Variants in TMEM132B observed in about 807,000 individuals in gnomAD.
TMEM132B encodes the protein transmembrane protein 132B.
In TMEM132B, 18 loss-of-function variants were observed where a neutral mutation model predicts 90.8. The ratio of observed to expected loss-of-function variants is 0.20; its 90% CI spans 0.14 to 0.29. The LOEUF is 0.29. Ranked by LOEUF, TMEM132B falls within the 10% of genes least tolerant of loss-of-function variation. TMEM132B has a pLI of 1.00. For missense variants in TMEM132B, 1,096 were observed against 1,326.8 expected, an observed-to-expected ratio of 0.83 and a Z score of 2.70; for synonymous variants, 504 against 523.3, an observed-to-expected ratio of 0.96 and a Z score of 0.50.
At chr12:125,501,120 AT>A (rs1290566030) in intron 3 of TMEM132B, among the ~76,000 whole-genome samples, 1 of 152,220 alleles carries the variant, frequency 6.6e-6, no homozygotes, top group Non-Finnish European at 1.5e-5. Flanking sequence ...TCTTTTGGTA[AT>A]TGGATGGGAA....
chr12:125,389,873 A>G (rs1566020797), intron 2 of TMEM132B, among the ~76,000 whole-genome samples: 1 of 152,320 alleles, frequency 6.6e-6, no homozygotes, highest in East Asian at 1.9e-4. Flanking sequence ...AAGTATTTTA[A>G]AAGTTTAAAG....
In TMEM132B at chr12:125,348,237, A is replaced by T. The variant is rs564022988; in HGVS notation, c.68-1215A>T. On this transcript the variant is annotated intron_variant, in intron 1 of 8. Coordinates refer to ENST00000682704, the MANE Select transcript of TMEM132B (RefSeq NM_001366854.1). The stretch of plus-strand genomic sequence containing the variant: ...ACTGTAAATGTTTAGTTTCCTGTTG[A>T]TCAACCTATTGAATATGGATTAAAA... Among the ~76,000 whole-genome samples the T allele has an allele frequency of 2.0e-5, 3 of 152,262 alleles. No homozygotes were observed. The East Asian group carries it at 5.8e-4, about 29-fold the overall frequency.
rs1314798610 is a variant in TMEM132B, at chr12:125,406,130, A to G, written c.960-9401A>G. On this transcript the variant is annotated intron_variant, in intron 2 of 8. Transcript: ENST00000682704. This position sits in a 1 kb window ranked among gnomAD's most constrained non-coding sequence, Gnocchi z 8.3. ...AACGTTAGTAGATATGCTTAACTAG[A>G]TCTTTTTGCTAGTGAATTTCCAGTA... Among the ~76,000 whole-genome samples, 2 of 152,202 alleles carry G rather than the reference A, an allele frequency of 1.3e-5. No individual in the cohort carries two copies. The highest frequency in any genetic ancestry group is 1.9e-4 in the East Asian group (1 of 5,196).
chr12:125,271,727 T>TTTTAATATATTACCTTCATTAAC (rs1321443312), intron 1 of TMEM132B, among the ~76,000 whole-genome samples: 1 of 152,114 alleles, frequency 6.6e-6, no homozygotes, highest in Non-Finnish European at 1.5e-5. Context: ...ACTTTGGTTT[T>TTTTAATATATTACCTTCATTAAC]TTTAATATAT....
rs1183847146 is a variant in TMEM132B, at chr12:125,505,195, A to AAAAAAAAAAAAAAAC, written c.1107-14244_1107-14243insAAAAAAAAAAAAAAC. On this transcript the variant is annotated intron_variant, in intron 3 of 8. Coordinates refer to ENST00000682704, the MANE Select transcript of TMEM132B (RefSeq NM_001366854.1). ...AAAAAAAAAAAAAAAAAAAAAAAAA[A>AAAAAAAAAAAAAAAC]CAGTAAGTGGGGACTTGTGCAAAGG... 3.4e-5 allele frequency among the ~76,000 whole-genome samples: 5 copies of AAAAAAAAAAAAAAAC among 147,898 alleles called. 1 individual carries two copies. The highest frequency in any genetic ancestry group is 1.3e-4 in the Admixed American group (2 of 14,948).
At chr12:125,203,146 C>CTGCTTTACT (rs1162811205) in intron 1 of TMEM132B, among the ~76,000 whole-genome samples, 1 of 152,164 alleles carries the variant, frequency 6.6e-6, no homozygotes, top group African/African-American at 2.4e-5. Context: ...ATTTCCTTCC[C>CTGCTTTACT]TGCTTTACTT....
intron 5 of TMEM132B, among the ~76,000 whole-genome samples, chr12:125,613,311 A>C (rs73220952): frequency 0.013 from 1,972 of 147,332 alleles, 26 homozygotes; most frequent in Non-Finnish European, 0.021. Flanking sequence ...ATCACATCAG[A>C]GTAAATGGGA....
intron 6 of TMEM132B, among the ~76,000 whole-genome samples, chr12:125,645,655 G>T (rs570812172): frequency 6.6e-6 from 1 of 152,236 alleles, no homozygotes; most frequent in South Asian, 2.1e-4. Flanking sequence ...AGCACTTCCA[G>T]ATAAGAGACC....
intron 4 of TMEM132B, among the ~76,000 whole-genome samples, chr12:125,534,529 C>A (rs1347829109): frequency 6.6e-6 from 1 of 152,046 alleles, no homozygotes; most frequent in Non-Finnish European, 1.5e-5. Context: ...ATTTTCCACC[C>A]CACAACCAAA....
intron 1 of TMEM132B, among the ~76,000 whole-genome samples, chr12:125,232,293 C>A (rs1321881475): frequency 1.3e-5 from 2 of 151,726 alleles, no homozygotes; most frequent in Non-Finnish European, 2.9e-5. Context: ...TTGTTTAATT[C>A]TTTTTGGAGC....
intron 5 of TMEM132B, among the ~76,000 whole-genome samples, chr12:125,615,443 A>T (rs752576769): frequency 6.6e-5 from 10 of 152,090 alleles, no homozygotes; most frequent in Admixed American, 3.3e-4. Flanking sequence ...CATAATCTAT[A>T]TCAGTCTATC....
At chr12:125,334,911 G>A (rs902555143) in intron 1 of TMEM132B, among the ~76,000 whole-genome samples, 3 of 152,384 alleles carry the variant, frequency 2.0e-5, no homozygotes, top group African/African-American at 7.2e-5. Context: ...GCAGAGCACA[G>A]TTCCTTCTGA....
At chr12:125,376,218 A>G (rs1878476140) in intron 2 of TMEM132B, among the ~76,000 whole-genome samples, 4 of 152,016 alleles carry the variant, frequency 2.6e-5, no homozygotes, top group Non-Finnish European at 5.9e-5. Context: ...ATTCAATAAC[A>G]TTGTTTTTTT....
intron 2 of TMEM132B, among the ~76,000 whole-genome samples, chr12:125,372,450 C>A (rs1041694576): frequency 1.3e-5 from 2 of 152,172 alleles, no homozygotes; most frequent in Non-Finnish European, 2.9e-5. Context: ...GTTTTCCTCT[C>A]AATGGGAAAT....
intron 2 of TMEM132B, among the ~76,000 whole-genome samples, chr12:125,404,962 G>A (rs374134273): frequency 5.1e-4 from 78 of 152,202 alleles, no homozygotes; most frequent in African/African-American, 1.7e-3. Context: ...CAGATACAGC[G>A]TAACATAATA....
chr12:125,639,780 A>G (rs1179956016), intron 5 of TMEM132B, among the ~76,000 whole-genome samples: 1 of 152,216 alleles, frequency 6.6e-6, no homozygotes, highest in Non-Finnish European at 1.5e-5. Flanking sequence ...GGCGGGTGCC[A>G]AGTTTAAATT....
chr12:125,200,340 T>A (rs1381111409), intron 1 of TMEM132B, among the ~76,000 whole-genome samples: 1 of 152,244 alleles, frequency 6.6e-6, no homozygotes, highest in Non-Finnish European at 1.5e-5. Flanking sequence ...ATTGTTGGTT[T>A]GCTGTGTATT....
chr12:125,415,526 C>T lies in TMEM132B; in HGVS notation c.960-5C>T, dbSNP rs374226374. 6 of 1,613,694 alleles carry T rather than the reference C, an allele frequency of 3.7e-6. No individual in the cohort carries two copies. In the African/African-American group the frequency reaches 8.0e-5, roughly 22 times the overall value. ...ATATAATATCATTGTTTTCCCACCC[C>T]ACAGAATTAAGGCGGCAGCAGGTGT... is the stretch of plus-strand genomic sequence containing the variant. On this transcript the variant is annotated splice_region_variant and splice_polypyrimidine_tract_variant and intron_variant, in intron 2 of 8. Coordinates refer to ENST00000682704, the MANE Select transcript of TMEM132B (RefSeq NM_001366854.1). This position sits in a 1 kb window ranked among gnomAD's most constrained non-coding sequence, Gnocchi z 5.3.
chr12:125,390,305 G>A (rs1878972864), intron 2 of TMEM132B, among the ~76,000 whole-genome samples: 1 of 152,220 alleles, frequency 6.6e-6, no homozygotes, highest in African/African-American at 2.4e-5. Context: ...ACAAACTACT[G>A]CTATATGCAA....
Sources: allele counts gnomAD v4.1 joint callset (sites outside exome capture counted in the v4.1 genomes callset), GRCh38; gene constraint gnomAD v4.1.1; non-coding constraint Gnocchi (gnomAD v3.1); transcripts MANE v1.5; gene names NCBI Gene and HGNC (gene_info 2026-07-23, HGNC 2026-07-21).